ZFHX3: variants seen among roughly 807,000 people sequenced by gnomAD.
The protein encoded by ZFHX3 is zinc finger homeobox protein 3.
ZFHX3 carries 42 observed loss-of-function variants against 279.1 expected under a neutral mutation model. The observed-to-expected ratio is 0.15, with a 90% CI of 0.12 to 0.19. ZFHX3 has a LOEUF of 0.19. Ranked by LOEUF, ZFHX3 falls within the 10% of genes least tolerant of loss-of-function variation. The pLI is 1.00. For missense variants in ZFHX3, 4,981 were observed against 4,754.0 expected (o/e 1.05, Z -1.40); for synonymous variants, 2,293 against 1,957.8 (o/e 1.17, Z -4.52).
chr16:73,664,668 T>C (rs1436555999), intron 2 of ZFHX3, among the ~76,000 whole-genome samples: 1 of 152,190 alleles, frequency 6.6e-6, no homozygotes, highest in Admixed American at 6.5e-5. Context: ...CGGTGTCATT[T>C]AGATGTCCAT....
At chr16:73,052,278 G>A (rs898740270), upstream of ZFHX3, among the ~76,000 whole-genome samples, 8 of 150,886 alleles carry the variant, frequency 5.3e-5, no homozygotes, top group Non-Finnish European at 1.0e-4. Context: ...ACTTTCACAC[G>A]TGAGTTAAAA....
At chr16:73,866,204 G>T (rs1962017512) in intron 1 of ZFHX3, among the ~76,000 whole-genome samples, 1 of 105,770 alleles carries the variant, frequency 9.5e-6, no homozygotes, top group Non-Finnish European at 1.8e-5. Flanking sequence ...TTTTGAGACA[G>T]AGTATCACCC....
chr16:73,159,362 T>C (rs1967171246), intron 5 of ZFHX3, among the ~76,000 whole-genome samples: 1 of 151,888 alleles, frequency 6.6e-6, no homozygotes, highest in African/African-American at 2.4e-5. Context: ...TCACAGACTC[T>C]GGTCTGGCCA....
chr16:73,858,623 T>C (rs919233943), intron 1 of ZFHX3, among the ~76,000 whole-genome samples: 6 of 152,204 alleles, frequency 3.9e-5, no homozygotes, highest in Admixed American at 3.9e-4. Context: ...ATAGATGACA[T>C]ATGGGTTAAT....
At position 72,787,062 on chromosome 16, in the gene ZFHX3, T is replaced by TTTTTTTTTA; in HGVS notation, c.*101_*102insTAAAAAAAA. ...TTCTTTTTTTTTTTTTTTTTGTTTTTTGGTTAGAAGCTTTGGAATTGCAGT... is the reference window on the plus strand; with the variant it reads ...TTCTTTTTTTTTTTTTTTTTGTTTTTTTTTTTTTATGGTTAGAAGCTTTGGAATTGCAGT... On this transcript the variant is annotated 3_prime_UTR_variant, in exon 10 of 10. Transcript: ENST00000268489. The TTTTTTTTTA allele has an allele frequency of 8.3e-7, 1 of 1,202,722 alleles. No homozygotes were observed. The allele number at this position is 1,202,722 out of a possible 1,614,324, so 74.5% of individuals were successfully genotyped here. A position where few individuals can be genotyped will look rare whatever the true frequency, so the allele number is the denominator to read the frequency against.
Position 73,394,095 on chromosome 16 carries a change from A to G in ZFHX3, c.-1291+61908T>C, listed in dbSNP as rs996482355. On this transcript the variant is annotated intron_variant, in intron 3 of 17. Transcript: ENST00000641206. The stretch of plus-strand genomic sequence containing the variant: ...ATTCCTATCGAAATGGATCCCATCA[A>G]TTGATTTCACCACCAGTTCCTCTGA... Among the ~76,000 whole-genome samples, 10 of 150,784 alleles carry G rather than the reference A, an allele frequency of 6.6e-5. No individual in the cohort carries two copies. The East Asian group carries it at 1.5e-3, about 23-fold the overall frequency.
chr16:73,745,853 G>C (rs1372482556), intron 1 of ZFHX3, among the ~76,000 whole-genome samples: 1 of 152,058 alleles, frequency 6.6e-6, no homozygotes, highest in Non-Finnish European at 1.5e-5. Context: ...GTGGCAGTTG[G>C]ATTAGTCTTC....
chr16:72,809,230 C>T (rs1203019058), intron 7 of ZFHX3: 1 of 152,096 alleles, frequency 6.6e-6, no homozygotes, highest in Non-Finnish European at 1.5e-5. Flanking sequence ...TACTATAGGC[C>T]CACAGTCCCT....
intron 5 of ZFHX3, among the ~76,000 whole-genome samples, chr16:72,817,072 T>C (rs927593008): frequency 4.6e-5 from 7 of 152,236 alleles, no homozygotes; most frequent in African/African-American, 1.7e-4. Flanking sequence ...TATAGAATAA[T>C]GAAAATATGG....
At chr16:73,474,480 A>C (rs1047577881) in intron 2 of ZFHX3, among the ~76,000 whole-genome samples, 1 of 152,226 alleles carries the variant, frequency 6.6e-6, no homozygotes, top group Non-Finnish European at 1.5e-5. Context: ...TATCAAAAGC[A>C]GAGAGCATTT....
intron 1 of ZFHX3, among the ~76,000 whole-genome samples, chr16:73,849,315 G>A (rs562631758): frequency 7.9e-5 from 12 of 152,132 alleles, no homozygotes; most frequent in Non-Finnish European, 1.6e-4. Flanking sequence ...TGAATACTGG[G>A]ATTTGAATTA....
At chr16:73,543,581 T>G (rs1054997008) in intron 2 of ZFHX3, among the ~76,000 whole-genome samples, 1 of 152,192 alleles carries the variant, frequency 6.6e-6, no homozygotes, top group Non-Finnish European at 1.5e-5. Context: ...AGCTGGCTGA[T>G]GAGAAAGTCA....
At chr16:73,204,779 C>T (rs1266077996) in intron 5 of ZFHX3, among the ~76,000 whole-genome samples, 1 of 152,198 alleles carries the variant, frequency 6.6e-6, no homozygotes, top group African/African-American at 2.4e-5. Context: ...GGATGGGGAG[C>T]TGTTGCTAGT....
At chr16:72,901,516 T>C (rs770281672) in intron 3 of ZFHX3, among the ~76,000 whole-genome samples, 2 of 152,220 alleles carry the variant, frequency 1.3e-5, no homozygotes, top group Non-Finnish European at 2.9e-5. Context: ...TGATTTTTTA[T>C]TTTATTCTTC....
At chr16:72,824,571 A>T (rs1303947919) in intron 5 of ZFHX3, among the ~76,000 whole-genome samples, 1 of 152,170 alleles carries the variant, frequency 6.6e-6, no homozygotes, top group East Asian at 1.9e-4. Context: ...ATTTTTCAAA[A>T]GCACCAATAC....
chr16:73,816,177 T>C (rs1960566432), intron 1 of ZFHX3: 1 of 152,234 alleles, frequency 6.6e-6, no homozygotes, highest in East Asian at 1.9e-4. Flanking sequence ...ATAATATCTT[T>C]CAGCTCTGTT....
chr16:72,933,774 C>T (rs1349851576), intron 3 of ZFHX3, among the ~76,000 whole-genome samples: 2 of 150,456 alleles, frequency 1.3e-5, no homozygotes, highest in Non-Finnish European at 3.0e-5. Context: ...ACCCAAACTC[C>T]AGTGTGTTGT....
At chr16:73,837,256 G>T (rs1296570259) in intron 1 of ZFHX3, among the ~76,000 whole-genome samples, 1 of 152,116 alleles carries the variant, frequency 6.6e-6, no homozygotes, top group Non-Finnish European at 1.5e-5. Flanking sequence ...TCTTTGGAAT[G>T]GTTGTTTGAT....
chr16:73,589,323 C>T (rs1317750106), intron 2 of ZFHX3, among the ~76,000 whole-genome samples: 1 of 143,146 alleles, frequency 7.0e-6, no homozygotes, highest in Non-Finnish European at 1.5e-5. Flanking sequence ...GTATTCCCAG[C>T]TGCTTGGGAG....
Sources: gnomAD v4.1 joint callset for allele counts (sites outside exome capture counted in the v4.1 genomes callset) on GRCh38, gnomAD v4.1.1 for gene constraint, MANE v1.5 for transcripts, NCBI Gene and HGNC (gene_info 2026-07-23, HGNC 2026-07-21) for gene names.